ARID1B: variants seen among roughly 807,000 people sequenced by gnomAD.
ARID1B encodes the protein AT-rich interactive domain-containing protein 1B.
Under a neutral mutation model 212.3 loss-of-function variants are expected in ARID1B, and 30 were observed. The ratio of observed to expected loss-of-function variants is 0.14; its 90% CI spans 0.11 to 0.19. The LOEUF (loss-of-function observed/expected upper bound fraction) is 0.19, where lower values mean the gene tolerates loss of function less well. Ranked by LOEUF, ARID1B falls within the 10% of genes least tolerant of loss-of-function variation. The probability of loss-of-function intolerance (pLI) is 1.00; values close to 1 mark genes in which losing one functional copy is unlikely to be tolerated. For missense variants in ARID1B, 2,891 were observed against 3,204.0 expected (o/e 0.90, Z 2.36); for synonymous variants, 1,402 against 1,301.7 (o/e 1.08, Z -1.66).
intron 2 of ARID1B, chr6:156,871,643 A>G (rs1786138829): frequency 4.3e-6 from 7 of 1,612,704 alleles, no homozygotes; most frequent in Non-Finnish European, 5.9e-6. Context: ...GGAAAGAAAC[A>G]TTCTGGTTGG....
intron 2 of ARID1B, among the ~76,000 whole-genome samples, chr6:156,878,547 T>C (rs1786776687): frequency 6.6e-6 from 1 of 152,220 alleles, no homozygotes; most frequent in African/African-American, 2.4e-5. Context: ...TATTACTGGC[T>C]AATGAGTCAA....
intron 1 of ARID1B, among the ~76,000 whole-genome samples, chr6:156,823,894 A>T (rs575276569): frequency 1.3e-5 from 2 of 152,242 alleles, no homozygotes; most frequent in South Asian, 4.1e-4. Context: ...GAGTATCTAA[A>T]TATAAAAAGG....
chr6:157,083,357 T>C (rs917704753), intron 4 of ARID1B, among the ~76,000 whole-genome samples: 11 of 152,232 alleles, frequency 7.2e-5, no homozygotes, highest in African/African-American at 2.2e-4. Context: ...TGAGAACTCG[T>C]TGGCACATTG....
intron 8 of ARID1B, chr6:157,151,947 G>A (rs990586826): frequency 1.2e-4 from 18 of 152,186 alleles, no homozygotes; most frequent in African/African-American, 4.1e-4. Context: ...TGTAAACATG[G>A]CCCTAAATGT....
intron 4 of ARID1B, among the ~76,000 whole-genome samples, chr6:156,979,014 A>T (rs568654708): frequency 9.2e-4 from 140 of 152,358 alleles, no homozygotes; most frequent in African/African-American, 3.3e-3. Context: ...CTTAATGAAT[A>T]AAAGATTTAA....
intron 11 of ARID1B, among the ~76,000 whole-genome samples, chr6:157,178,042 G>A (rs1486207189): frequency 6.6e-6 from 1 of 152,230 alleles, no homozygotes; most frequent in Admixed American, 6.5e-5. Flanking sequence ...AATATTGGCT[G>A]TGGTCATTGC....
rs774231619 is a variant in ARID1B, at chr6:157,207,807, G to A, written c.7035G>A (p.Leu2345=). 5.2e-6 allele frequency: 8 copies of A among 1,548,448 alleles called. No individual in the cohort carries two copies. In the South Asian group the frequency reaches 8.7e-5, roughly 17 times the overall value. ...RSEFLLHEGR[L]LDISISAVLN... ...AATTCCTTTTGCACGAGGGCCGGTT[G>A]CTGGATATCTCGATATCAGCTGTCC... Residue 2345 remains leucine (L), a synonymous_variant, in exon 20 of 20, where the codon TTG becomes TTA. Transcript: ENST00000636930. The surrounding 1 kb of genome is among the most constrained non-coding windows in gnomAD (Gnocchi z 8.5).
At chr6:157,049,948 C>T (rs1782484191) in intron 4 of ARID1B, among the ~76,000 whole-genome samples, 1 of 152,158 alleles carries the variant, frequency 6.6e-6, no homozygotes, top group African/African-American at 2.4e-5. Flanking sequence ...TTCATATCAT[C>T]ATGATTTTAA....
chr6:156,800,839 G>A (rs372218356), intron 1 of ARID1B, among the ~76,000 whole-genome samples: 2 of 152,090 alleles, frequency 1.3e-5, no homozygotes, highest in East Asian at 1.9e-4. Context: ...TCAGGAGTTC[G>A]AGGTTGTAGT....
chr6:157,170,092 C>T (rs966752440), intron 9 of ARID1B: 30 of 152,306 alleles, frequency 2.0e-4, no homozygotes, highest in African/African-American at 3.1e-4. Flanking sequence ...TTCTGGGGCT[C>T]CCTTCAGAAT....
At chr6:157,033,862 A>G (rs1466762812) in intron 4 of ARID1B, among the ~76,000 whole-genome samples, 1 of 152,184 alleles carries the variant, frequency 6.6e-6, no homozygotes, top group Admixed American at 6.5e-5. Flanking sequence ...GCCTTTAGGA[A>G]GTTTCTACTT....
intron 8 of ARID1B, among the ~76,000 whole-genome samples, chr6:157,158,424 A>G (rs995416743): frequency 6.6e-6 from 1 of 152,222 alleles, no homozygotes; most frequent in African/African-American, 2.4e-5. Flanking sequence ...ACACAGTGAT[A>G]TAGGATGGAG....
At chr6:157,189,545 A>G in intron 13 of ARID1B, 97 bp from the exon 14 acceptor site, 1 of 1,334,952 alleles carries the variant, frequency 7.5e-7, no homozygotes, top group African/African-American at 1.5e-5. Context: ...TGTCTTATTT[A>G]CATTTATGTC....
intron 9 of ARID1B, among the ~76,000 whole-genome samples, chr6:157,172,552 G>A (rs1040188992): frequency 1.3e-5 from 2 of 152,176 alleles, no homozygotes; most frequent in African/African-American, 4.8e-5. Context: ...AAAGTGTATT[G>A]TTGAGTGTGC....
chr6:157,184,198 G>T, intron 12 of ARID1B, 33 bp from the exon 13 acceptor site: 1 of 1,562,988 alleles, frequency 6.4e-7, no homozygotes, highest in Non-Finnish European at 8.7e-7. Flanking sequence ...CCACTTTGTT[G>T]CAAACCAATG....
chr6:156,949,669 C>T (rs1793433836), intron 4 of ARID1B, among the ~76,000 whole-genome samples: 1 of 152,220 alleles, frequency 6.6e-6, no homozygotes, highest in Non-Finnish European at 1.5e-5. Context: ...TCTTTGGATG[C>T]AGAGAATGTT....
intron 15 of ARID1B, among the ~76,000 whole-genome samples, chr6:157,192,512 A>G (rs1464384557): frequency 2.0e-5 from 3 of 152,194 alleles, no homozygotes; most frequent in South Asian, 2.1e-4. Context: ...AATTGAAAAT[A>G]TTGGTAAGTT....
chr6:156,808,630 T>C (rs1406088147), intron 1 of ARID1B, among the ~76,000 whole-genome samples: 1 of 152,234 alleles, frequency 6.6e-6, no homozygotes, highest in Non-Finnish European at 1.5e-5. Flanking sequence ...ATTGAATATA[T>C]ATAAGTGTAC....
At position 157,113,606 on chromosome 6, in the gene ARID1B, C is replaced by T. The variant is rs902313145; in HGVS notation, c.2581+3045C>T. ...TTCTCATGAGGTAGCACTAGGGGGACGGTGCTAAACCGCTAGAAACCACCC... is the reference window on the plus strand; with the variant it reads ...TTCTCATGAGGTAGCACTAGGGGGATGGTGCTAAACCGCTAGAAACCACCC... On this transcript the variant is annotated intron_variant, in intron 6 of 19. Coordinates refer to ENST00000636930, the MANE Select transcript of ARID1B (RefSeq NM_001374828.1). Among the ~76,000 whole-genome samples, 35 of 152,156 alleles carry T rather than the reference C, an allele frequency of 2.3e-4. 1 individual carries two copies. Among genetic ancestry groups the T allele is most frequent in the African/African-American group, 6.8e-4 (28 of 41,428 alleles).
Sources: gnomAD v4.1 joint callset for allele counts (sites outside exome capture counted in the v4.1 genomes callset) on GRCh38, gnomAD v4.1.1 for gene constraint, Gnocchi (gnomAD v3.1) non-coding constraint, MANE v1.5 for transcripts, NCBI Gene and HGNC (gene_info 2026-07-23, HGNC 2026-07-21) for gene names.